The following ZMYM4 variants were observed in gnomAD, a reference collection of about 807,000 sequenced individuals.
ZMYM4 encodes the protein zinc finger MYM-type containing 4.
In ZMYM4, 31 loss-of-function variants were observed where a neutral mutation model predicts 183.2. The observed-to-expected ratio is 0.17, with a 90% CI of 0.13 to 0.23. The LOEUF is 0.23. ZMYM4 is among the 10% of genes least tolerant of loss of function. ZMYM4 has a pLI of 1.00. For synonymous variants in ZMYM4, 592 were observed against 631.2 expected, an observed-to-expected ratio of 0.94 and a Z score of 0.93; for missense variants, 1,273 against 1,840.3, an observed-to-expected ratio of 0.69 and a Z score of 5.64.
intron 7 of ZMYM4, among the ~76,000 whole-genome samples, chr1:35,374,330 G>A (rs773557745): frequency 2.6e-5 from 4 of 151,744 alleles, no homozygotes; most frequent in Non-Finnish European, 2.9e-5. Flanking sequence ...CACCGTGCCC[G>A]GCACTCATCA....
In ZMYM4 at chr1:35,385,641, G is replaced by T. The variant is rs761718030; in HGVS notation, c.1720+49G>T. On this transcript the variant is annotated intron_variant, in intron 10 of 29. Coordinates refer to ENST00000314607, the MANE Select transcript of ZMYM4 (RefSeq NM_005095.3). The stretch of plus-strand genomic sequence containing the variant: ...GAAATGCAATGGTTGAAAAATAATG[G>T]TTATTGCTTTGTTTTTAACGGTTTT... 2.1e-5 allele frequency: 32 copies of T among 1,535,918 alleles called. No homozygotes were observed. The Admixed American group carries it at 7.5e-4, about 36-fold the overall frequency.
intron 1 of ZMYM4, among the ~76,000 whole-genome samples, chr1:35,318,626 T>A (rs1642157182): frequency 6.6e-6 from 1 of 151,610 alleles, no homozygotes; most frequent in Non-Finnish European, 1.5e-5. Flanking sequence ...CCTGGCTAAT[T>A]TTTGTATTTT....
intron 1 of ZMYM4, among the ~76,000 whole-genome samples, chr1:35,311,756 A>G (rs986055229): frequency 5.9e-5 from 9 of 152,254 alleles, no homozygotes; most frequent in African/African-American, 2.2e-4. Flanking sequence ...AAAGAAGTGA[A>G]AAATAAAGCA....
intron 20 of ZMYM4, among the ~76,000 whole-genome samples, chr1:35,398,028 T>C (rs2149006851): frequency 6.6e-6 from 1 of 152,308 alleles, no homozygotes; most frequent in African/African-American, 2.4e-5. Context: ...GCTCAGTGCA[T>C]TGTGTGCCTT....
At chr1:35,325,020 C>T (rs12130990) in intron 1 of ZMYM4, among the ~76,000 whole-genome samples, 20 of 151,590 alleles carry the variant, frequency 1.3e-4, no homozygotes, top group Non-Finnish European at 2.9e-4. Flanking sequence ...ACATAGTTCT[C>T]GGTGTTAGTA....
intron 1 of ZMYM4, among the ~76,000 whole-genome samples, chr1:35,313,055 G>A (rs1435661208): frequency 1.3e-5 from 2 of 152,044 alleles, no homozygotes; most frequent in Non-Finnish European, 2.9e-5. Flanking sequence ...CACCACAGCT[G>A]GCTAATTTTT....
intron 1 of ZMYM4, among the ~76,000 whole-genome samples, chr1:35,300,753 A>G (rs979435987): frequency 6.6e-6 from 1 of 152,172 alleles, no homozygotes; most frequent in African/African-American, 2.4e-5. Flanking sequence ...CTTTTTATGT[A>G]TATCTTTGTG....
chr1:35,397,466 A>G lies in ZMYM4; in HGVS notation c.3120A>G (p.Thr1040=), dbSNP rs757230550. The part of the protein sequence containing the change: ...SIEDIKEKLP[T]HPFEADLLEM... ...AAGACATTAAAGAAAAGCTTCCCAC[A>G]CATCCATTTGAAGCTGATCTCCTTG... is the stretch of plus-strand genomic sequence containing the variant. Residue 1040 remains threonine, a synonymous_variant, in exon 20 of 30, where the codon ACA becomes ACG. Coordinates refer to ENST00000314607, the MANE Select transcript of ZMYM4 (RefSeq NM_005095.3). The G allele has an allele frequency of 1.1e-5, 17 of 1,613,394 alleles. No individual in the cohort carries two copies. The East Asian group carries it at 2.9e-4, about 28-fold the overall frequency.
At chr1:35,334,001 G>A (rs1303283846) in intron 2 of ZMYM4, among the ~76,000 whole-genome samples, 3 of 151,022 alleles carry the variant, frequency 2.0e-5, no homozygotes, top group Non-Finnish European at 4.4e-5. Flanking sequence ...TTTTATATAT[G>A]TGGTTAGATT....
Position 35,280,087 on chromosome 1 carries a change from T to C in ZMYM4, c.39+11002T>C, listed in dbSNP as rs536600990. 1.3e-3 allele frequency among the ~76,000 whole-genome samples: 196 copies of C among 152,096 alleles called. 3 individuals are homozygous for C. Among genetic ancestry groups the C allele is most frequent in the Admixed American group, 0.011 (174 of 15,256 alleles). Reference sequence around the variant, plus strand: ...TTCAAAGCCACCTTTACATTTTTTTTTCTCTCTTTCTCTTTCTTTTTGTTA... The same window carrying C: ...TTCAAAGCCACCTTTACATTTTTTTCTCTCTCTTTCTCTTTCTTTTTGTTA... On this transcript the variant is annotated intron_variant, in intron 1 of 29. Transcript: ENST00000314607.
At chr1:35,388,566 C>T (rs1312804070) in intron 13 of ZMYM4, among the ~76,000 whole-genome samples, 1 of 151,956 alleles carries the variant, frequency 6.6e-6, no homozygotes, top group African/African-American at 2.4e-5. Context: ...GCTATCCTGT[C>T]TTATATCATT....
Position 35,407,997 on chromosome 1 carries a change from C to T in ZMYM4, c.3797-11C>T, listed in dbSNP as rs761591760. 6.2e-7 allele frequency: 1 copy of T among 1,614,048 alleles called. No homozygotes were observed. The highest frequency in any genetic ancestry group is 1.1e-5 in the South Asian group (1 of 91,074). On this transcript the variant is annotated splice_polypyrimidine_tract_variant and intron_variant, in intron 25 of 29. Coordinates refer to ENST00000314607, the MANE Select transcript of ZMYM4 (RefSeq NM_005095.3). ...AAGTTAATGTTTCAGATGTTTTCTA[C>T]CTTTCCACAGTCCGCTCTATCAAGC...
chr1:35,304,124 A>C (rs1481741881), intron 1 of ZMYM4, among the ~76,000 whole-genome samples: 1 of 151,838 alleles, frequency 6.6e-6, no homozygotes, highest in African/African-American at 2.4e-5. Flanking sequence ...TCCCACATTC[A>C]TGCGATTCTC....
intron 13 of ZMYM4, among the ~76,000 whole-genome samples, chr1:35,387,978 C>T (rs543673500): frequency 6.6e-6 from 1 of 152,276 alleles, no homozygotes; most frequent in South Asian, 2.1e-4. Flanking sequence ...TTGTCTTAAA[C>T]AGCCATTATA....
chr1:35,385,955 G>A, intron 10 of ZMYM4, 119 bp from the exon 11 acceptor site: 1 of 628,680 alleles, frequency 1.6e-6, no homozygotes, highest in Non-Finnish European at 2.5e-6. Flanking sequence ...TTTAGTTTCA[G>A]TTCCTACAAC....
At chr1:35,318,095 A>G (rs144701003) in intron 1 of ZMYM4, among the ~76,000 whole-genome samples, 1,831 of 125,112 alleles carry the variant, frequency 0.015, 51 homozygotes, top group African/African-American at 0.055. Flanking sequence ...GTCTCACTCT[A>G]TCACCCAGAC....
chr1:35,369,261 T>C (rs1363563587), intron 5 of ZMYM4, among the ~76,000 whole-genome samples: 1 of 152,162 alleles, frequency 6.6e-6, no homozygotes, highest in Non-Finnish European at 1.5e-5. Flanking sequence ...TGTATAATTG[T>C]AAAAAGCAAA....
chr1:35,344,473 A>AT (rs559794324), intron 2 of ZMYM4, among the ~76,000 whole-genome samples: 76 of 146,520 alleles, frequency 5.2e-4, no homozygotes, highest in South Asian at 1.9e-3. Context: ...TGAGATGTTG[A>AT]TTTTTTTTTT....
chr1:35,389,976 A>G lies in ZMYM4; in HGVS notation c.2465A>G (p.Gln822Arg), dbSNP rs1317850277. Reference protein sequence around the residue: ...QMAKCDACKRQGKLSESLKWR... With the variant: ...QMAKCDACKRRGKLSESLKWR... Reference sequence around the variant, plus strand: ...GCCAAATGTGATGCTTGTAAGCGACAGGGTAAACTCAGTGAGTCCTTGAAA... The same window carrying G: ...GCCAAATGTGATGCTTGTAAGCGACGGGGTAAACTCAGTGAGTCCTTGAAA... Residue 822 changes from glutamine (Q) to arginine (R), a missense_variant, in exon 15 of 30, where the codon CAG becomes CGG. Physicochemically the swap from Gln to Arg is conservative, Grantham distance 43. Transcript: ENST00000314607. This position sits in a 1 kb window ranked among gnomAD's most constrained non-coding sequence, Gnocchi z 4.0. The G allele has an allele frequency of 3.1e-6, 5 of 1,610,914 alleles. No individual in the cohort carries two copies. Among genetic ancestry groups the G allele is most frequent in the East Asian group, 2.2e-5 (1 of 44,794 alleles).
Sources: allele counts gnomAD v4.1 joint callset (sites outside exome capture counted in the v4.1 genomes callset), GRCh38; gene constraint gnomAD v4.1.1; non-coding constraint Gnocchi (gnomAD v3.1); transcripts MANE v1.5; gene names NCBI Gene and HGNC (gene_info 2026-07-23, HGNC 2026-07-21).